The following EVC2 variants were observed in gnomAD, a reference collection of about 807,000 sequenced individuals.
The protein encoded by EVC2 is EvC ciliary complex subunit 2.
EVC2 carries 148 observed loss-of-function variants against 149.3 expected under a neutral mutation model. The ratio of observed to expected loss-of-function variants is 0.99; its 90% CI spans 0.87 to 1.14. The LOEUF (loss-of-function observed/expected upper bound fraction) is 1.14. EVC2 is among the 50% of genes most tolerant of loss of function. The probability of loss-of-function intolerance (pLI) is 0.00; values close to 1 mark genes in which losing one functional copy is unlikely to be tolerated. For missense variants in EVC2, 1,854 were observed against 1,627.3 expected, an observed-to-expected ratio of 1.14 and a Z score of -2.40; for synonymous variants, 776 against 649.9, an observed-to-expected ratio of 1.19 and a Z score of -2.95.
At chr4:5,632,065 G>C (rs1228847381) in intron 10 of EVC2, 33 bp from the exon 11 acceptor site, 2 of 1,612,442 alleles carry the variant, frequency 1.2e-6, no homozygotes, top group South Asian at 1.1e-5. Context: ...GTGAGAAACT[G>C]ACACACTGAA....
At chr4:5,612,362 T>TA (rs56000904) in intron 16 of EVC2, among the ~76,000 whole-genome samples, 4 of 152,164 alleles carry the variant, frequency 2.6e-5, no homozygotes, top group South Asian at 2.1e-4. Context: ...GACATGGTTT[T>TA]AAAAAAAGAA....
downstream of EVC2, among the ~76,000 whole-genome samples, chr4:5,540,905 A>G (rs142000857): frequency 7.0e-4 from 106 of 152,300 alleles, no homozygotes; most frequent in African/African-American, 2.5e-3. Context: ...CGTGGACACC[A>G]TCTACTGCTG....
chr4:5,557,536 T>C (rs946059586), downstream of EVC2, among the ~76,000 whole-genome samples: 4 of 152,134 alleles, frequency 2.6e-5, no homozygotes, highest in African/African-American at 9.6e-5. Context: ...TTCAATATCA[T>C]ATGGGAATCC....
chr4:5,537,120 G>A, the EVC2 span, among the ~76,000 whole-genome samples: 1 of 152,194 alleles, frequency 6.6e-6, no homozygotes, highest in African/African-American at 2.4e-5. Context: ...CTGGAAGGCA[G>A]GAGAAAGATG....
chr4:5,530,367 G>A, the EVC2 span, among the ~76,000 whole-genome samples: 60 of 152,260 alleles, frequency 3.9e-4, 1 homozygote, highest in South Asian at 0.012. Flanking sequence ...AATTGCGTGT[G>A]TGGCTTTGTA....
At chr4:5,629,597 A>C (rs11726868) in intron 11 of EVC2, among the ~76,000 whole-genome samples, 23,825 of 152,296 alleles carry the variant, frequency 0.16, 2,514 homozygotes, top group Non-Finnish European at 0.22. Flanking sequence ...CGCTTTGTTC[A>C]ACAGGGAACA....
chr4:5,626,690 A>T (rs916293809), intron 12 of EVC2, among the ~76,000 whole-genome samples: 2 of 152,116 alleles, frequency 1.3e-5, no homozygotes, highest in Non-Finnish European at 2.9e-5. Flanking sequence ...TCAGCATTTT[A>T]ATCAGTGGAC....
At chr4:5,681,408 G>T in intron 6 of EVC2, 95 bp from the exon 7 acceptor site, 4 of 1,261,504 alleles carry the variant, frequency 3.2e-6, no homozygotes, top group Non-Finnish European at 4.6e-6. Context: ...CAAGCCTGGA[G>T]CTACAATCAG....
At chr4:5,579,038 G>T (rs952414417) in intron 17 of EVC2, among the ~76,000 whole-genome samples, 2 of 152,144 alleles carry the variant, frequency 1.3e-5, no homozygotes, top group African/African-American at 2.4e-5. Context: ...GAAGGTCCAG[G>T]GGCTAAAATG....
intron 9 of EVC2, among the ~76,000 whole-genome samples, chr4:5,648,239 T>C (rs1052555913): frequency 4.6e-5 from 7 of 152,186 alleles, no homozygotes; most frequent in African/African-American, 1.2e-4. Context: ...ACCCCACTGA[T>C]CTATCTAGAG....
In EVC2 at chr4:5,569,096, G is replaced by T. The variant is rs971859730; in HGVS notation, c.3361-456C>A. Among the ~76,000 whole-genome samples, 1 of 152,224 alleles carries T rather than the reference G, an allele frequency of 6.6e-6. No homozygotes were observed. The highest frequency in any genetic ancestry group is 1.5e-5 in the Non-Finnish European group (1 of 68,042). On this transcript the variant is annotated intron_variant, in intron 19 of 21. Coordinates refer to ENST00000344408, the MANE Select transcript of EVC2 (RefSeq NM_147127.5). The surrounding 1 kb of genome is among the most constrained non-coding windows in gnomAD (Gnocchi z 4.8). ...GATACCACTCTGCAGTCAGAAGAAA[G>T]AACTGGAAGGATCCCAGGGGCATTA...
chr4:5,665,771 T>G (rs115622379), intron 7 of EVC2, 122 bp from the exon 8 acceptor site: 8 of 1,462,302 alleles, frequency 5.5e-6, no homozygotes, highest in Non-Finnish European at 7.5e-6. Context: ...TGCATTTGAG[T>G]CTCGCTCTGC....
chr4:5,536,161 T>C, the EVC2 span, among the ~76,000 whole-genome samples: 10 of 152,238 alleles, frequency 6.6e-5, no homozygotes, highest in South Asian at 2.1e-3. Context: ...GCACCAATTT[T>C]AAACATAGAC....
chr4:5,589,508 T>G (rs938353595), intron 16 of EVC2, among the ~76,000 whole-genome samples: 2 of 152,224 alleles, frequency 1.3e-5, no homozygotes, highest in East Asian at 3.9e-4. Context: ...TTCTGTCCTG[T>G]GAAATCTATC....
rs1242066004 is a variant in EVC2 at position 5,640,001 on chromosome 4, CTGGA to C, written c.1470+509_1470+512del. On this transcript the variant is annotated intron_variant, in intron 10 of 21. Coordinates refer to ENST00000344408, the MANE Select transcript of EVC2 (RefSeq NM_147127.5). This position sits in a 1 kb window ranked among gnomAD's most constrained non-coding sequence, Gnocchi z 4.6. ...TCAACACATTTTTGCTAAATGAATT[CTGGA>C]TGGATGGATGGGTGGATGAGTGATA... Among the ~76,000 whole-genome samples the C allele has an allele frequency of 6.6e-6, 1 of 152,098 alleles. No homozygotes were observed. Among genetic ancestry groups the C allele is most frequent in the East Asian group, 1.9e-4 (1 of 5,200 alleles).
chr4:5,668,007 T>C (rs992286777), intron 7 of EVC2, among the ~76,000 whole-genome samples: 1 of 152,196 alleles, frequency 6.6e-6, no homozygotes, highest in Admixed American at 6.5e-5. Context: ...CAGCCTTCGG[T>C]TTGATATGCT....
At chr4:5,645,319 G>T (rs1168565929) in intron 9 of EVC2, among the ~76,000 whole-genome samples, 3 of 148,266 alleles carry the variant, frequency 2.0e-5, no homozygotes, top group African/African-American at 7.5e-5. Flanking sequence ...AGGTAAACTT[G>T]TGTCATGGGG....
intron 18 of EVC2, among the ~76,000 whole-genome samples, chr4:5,575,461 G>C (rs1481279546): frequency 1.3e-5 from 2 of 152,220 alleles, no homozygotes; most frequent in Non-Finnish European, 2.9e-5. Context: ...CGATGGGACA[G>C]AACTGCACTT....
rs1383918153 is a variant in EVC2 at position 5,696,280 on chromosome 4, C to T, written c.283+1313G>A. 1.3e-5 allele frequency among the ~76,000 whole-genome samples: 2 copies of T among 152,190 alleles called. No individual in the cohort carries two copies. Among genetic ancestry groups the T allele is most frequent in the African/African-American group, 4.8e-5 (2 of 41,446 alleles). On this transcript the variant is annotated intron_variant, in intron 2 of 21. Coordinates refer to ENST00000344408, the MANE Select transcript of EVC2 (RefSeq NM_147127.5). The surrounding 1 kb of genome is among the most constrained non-coding windows in gnomAD (Gnocchi z 4.1). ...TTATGCCTCTCTGGCTCTCCTGGTC[C>T]TCAGCTTTAATGAAGACTCCAAAGT... is the stretch of plus-strand genomic sequence containing the variant.
Sources: allele counts gnomAD v4.1 joint callset (sites outside exome capture counted in the v4.1 genomes callset), GRCh38; gene constraint gnomAD v4.1.1; non-coding constraint Gnocchi (gnomAD v3.1); transcripts MANE v1.5; gene names NCBI Gene and HGNC (gene_info 2026-07-23, HGNC 2026-07-21).